Variants in CYP26B1 observed in about 807,000 individuals in gnomAD.
CYP26B1 encodes cytochrome P450 family 26 subfamily B member 1.
In CYP26B1, 8 loss-of-function variants were observed where a neutral mutation model predicts 39.1. That is an observed-to-expected ratio of 0.20 (90% confidence interval 0.12 to 0.37). The LOEUF (loss-of-function observed/expected upper bound fraction) is 0.37, where lower values mean the gene tolerates loss of function less well. Among genes scored for constraint, CYP26B1 ranks in the 10% least tolerant of loss-of-function variants. The pLI, the probability that CYP26B1 is intolerant of heterozygous loss-of-function variation, is 1.00. For missense variants in CYP26B1, 615 were observed against 707.0 expected, an observed-to-expected ratio of 0.87 and a Z score of 1.48; for synonymous variants, 321 against 314.3, an observed-to-expected ratio of 1.02 and a Z score of -0.23.
chr2:72,141,023 C>T (rs552331885), intron 2 of CYP26B1, among the ~76,000 whole-genome samples: 1 of 152,328 alleles, frequency 6.6e-6, no homozygotes, highest in South Asian at 2.1e-4. Context: ...GAGGCCCAAT[C>T]CTGGTGGGTA....
At chr2:72,139,262 A>G (rs910546360) in intron 2 of CYP26B1, among the ~76,000 whole-genome samples, 11 of 152,140 alleles carry the variant, frequency 7.2e-5, no homozygotes, top group African/African-American at 2.7e-4. Context: ...AGAATAACAG[A>G]GGGCAGGCAG....
At position 72,147,793 on chromosome 2, in the gene CYP26B1, G is replaced by T. The variant is rs1278307723; in HGVS notation, c.42C>A (p.Thr14=). 2 of 1,558,390 alleles carry T rather than the reference G, an allele frequency of 1.3e-6. No homozygotes were observed. Among genetic ancestry groups the T allele is most frequent in the Non-Finnish European group, 8.7e-7 (1 of 1,152,422 alleles). ...EGLDLVSALA[T]LAACLVSVTL... is the part of the protein sequence containing the mutation. ...TCACGGACACCAGGCACGCGGCGAG[G>T]GTGGCCAGCGCCGACACCAGATCCA... The change falls in exon 1 of 6, where the codon ACC becomes ACA. Residue 14 remains threonine, a synonymous_variant. Transcript: ENST00000001146. The surrounding 1 kb of genome is among the most constrained non-coding windows in gnomAD (Gnocchi z 6.1).
intron 2 of CYP26B1, among the ~76,000 whole-genome samples, chr2:72,139,915 C>T (rs542355205): frequency 4.4e-4 from 67 of 151,810 alleles, no homozygotes; most frequent in Non-Finnish European, 7.5e-4. Flanking sequence ...TCGTCCTCTA[C>T]GGTGAAGTCC....
Position 72,144,329 on chromosome 2 carries a change from ACACT to A in CYP26B1, c.205-120_205-117del, listed in dbSNP as rs781169338. 2.3e-5 allele frequency: 34 copies of A among 1,487,986 alleles called. No individual in the cohort carries two copies. In the South Asian group the frequency reaches 3.8e-4, roughly 17 times the overall value. The allele number at this position is 1,487,986 out of a possible 1,614,324, so 92.2% of individuals were successfully genotyped here. ...CACCTGCCCCCTCTCCCCACCAAAC[ACACT>A]CACACAGACGAGCACGCAGGTTTTA... On this transcript the variant is annotated intron_variant, in intron 1 of 5. Transcript: ENST00000001146.
chr2:72,146,185 A>G (rs1025162277), intron 1 of CYP26B1, among the ~76,000 whole-genome samples: 5 of 152,096 alleles, frequency 3.3e-5, no homozygotes, highest in Non-Finnish European at 2.9e-5. Flanking sequence ...AGGTCAGGAA[A>G]CGAAGTGGGG....
chr2:72,144,527 C>A, intron 1 of CYP26B1: 1 of 1,143,488 alleles, frequency 8.7e-7, no homozygotes. Context: ...TCCGCCCCCA[C>A]CCCCACCCCC....
In CYP26B1 at chr2:72,140,725, G is replaced by A. The variant is rs553489703; in HGVS notation, c.429+3264C>T. ...CCCAGGAGCACAGGGTTTCCAAGAT[G>A]GGGCCAAAGGTCAGGGATGGTGGGT... is the stretch of plus-strand genomic sequence containing the variant. On this transcript the variant is annotated intron_variant, in intron 2 of 5. Coordinates refer to ENST00000001146, the MANE Select transcript of CYP26B1 (RefSeq NM_019885.4). Among the ~76,000 whole-genome samples the A allele has an allele frequency of 9.8e-5, 15 of 152,322 alleles. No homozygotes were observed. In the South Asian group the frequency reaches 3.1e-3, roughly 32 times the overall value.
chr2:72,142,270 G>A (rs1013574833), intron 2 of CYP26B1, among the ~76,000 whole-genome samples: 2 of 152,088 alleles, frequency 1.3e-5, no homozygotes, highest in African/African-American at 4.8e-5. Context: ...CCAAGACAAC[G>A]CCCTCACCCC....
At chr2:72,142,493 C>G (rs1676971337) in intron 2 of CYP26B1, among the ~76,000 whole-genome samples, 1 of 152,198 alleles carries the variant, frequency 6.6e-6, no homozygotes, top group African/African-American at 2.4e-5. Flanking sequence ...TGGTTCAAGT[C>G]TCATTCAACC....
At chr2:72,144,596 C>CGGGCTGGCGAGA (rs1295665080) in intron 1 of CYP26B1, 1 of 757,346 alleles carries the variant, frequency 1.3e-6, no homozygotes, top group African/African-American at 1.9e-5. Context: ...CTCCGGGCCA[C>CGGGCTGGCGAGA]GGGCTGGCGA....
chr2:72,140,912 C>G (rs1676925458), intron 2 of CYP26B1, among the ~76,000 whole-genome samples: 1 of 152,288 alleles, frequency 6.6e-6, no homozygotes, highest in South Asian at 2.1e-4. Context: ...AAATACTCTC[C>G]AGGTTCCCTG....
At chr2:72,145,857 T>C (rs9309462) in intron 1 of CYP26B1, among the ~76,000 whole-genome samples, 13,562 of 152,194 alleles carry the variant, frequency 0.089, 824 homozygotes, top group African/African-American at 0.17. Context: ...TATACAAAAA[T>C]GTTGTATTTT....
chr2:72,144,081 C>A lies in CYP26B1; in HGVS notation c.337G>T (p.Val113Leu), dbSNP rs1558972044. ...RKILMGEHHL[V>L]STEWPRSTRM... ...GTGCTGCGAGGCCACTCGGTGCTCA[C>A]GAGGTGGTGCTCGCCCATGAGGATC... The change falls in exon 2 of 6, where the codon GTG (valine) becomes TTG (leucine). Residue 113 changes from valine to leucine, a missense_variant. Coordinates refer to ENST00000001146, the MANE Select transcript of CYP26B1 (RefSeq NM_019885.4). 2 of 1,613,668 alleles carry A rather than the reference C, an allele frequency of 1.2e-6. No homozygotes were observed. Among genetic ancestry groups the A allele is most frequent in the Non-Finnish European group, 1.7e-6 (2 of 1,179,774 alleles).
At chr2:72,141,875 C>G (rs1676953828) in intron 2 of CYP26B1, among the ~76,000 whole-genome samples, 1 of 152,120 alleles carries the variant, frequency 6.6e-6, no homozygotes, top group South Asian at 2.1e-4. Context: ...CTCATTCGAC[C>G]CTCCCCACCA....
chr2:72,134,666 G>C (rs1362774178), intron 4 of CYP26B1, 95 bp downstream of exon 4: 12 of 1,527,416 alleles, frequency 7.9e-6, no homozygotes, highest in Middle Eastern at 2.0e-4. Context: ...CAGACTACAG[G>C]GGGTAGAAAT....
chr2:72,142,111 C>G (rs1459514851), intron 2 of CYP26B1, among the ~76,000 whole-genome samples: 1 of 150,772 alleles, frequency 6.6e-6, no homozygotes, highest in Non-Finnish European at 1.5e-5. Context: ...CACCGCATTC[C>G]TGAGGCGGGT....
intron 4 of CYP26B1, 109 bp from the exon 5 acceptor site, chr2:72,133,416 C>G: frequency 7.2e-7 from 1 of 1,385,174 alleles, no homozygotes; most frequent in Non-Finnish European, 9.9e-7. Context: ...CTGGGCCCTG[C>G]CTGGTTCCTG....
intron 2 of CYP26B1, among the ~76,000 whole-genome samples, chr2:72,136,977 CAG>C (rs1444311128): frequency 2.0e-5 from 3 of 152,174 alleles, no homozygotes; most frequent in African/African-American, 7.2e-5. Context: ...GGAAACAAGA[CAG>C]GGGCAGGAAA....
chr2:72,144,062 C>G lies in CYP26B1; in HGVS notation c.356G>C (p.Arg119Pro), dbSNP rs138734968. 6.2e-7 allele frequency: 1 copy of G among 1,613,686 alleles called. No homozygotes were observed. Among genetic ancestry groups the G allele is most frequent in the African/African-American group, 1.3e-5 (1 of 74,956 alleles). Residue 119 changes from arginine (R) to proline (P), a missense_variant, in exon 2 of 6, where the codon CGC becomes CCC. Coordinates refer to ENST00000001146, the MANE Select transcript of CYP26B1 (RefSeq NM_019885.4). ...GGGGCCCAGCAACATGCGGGTGCTG[C>G]GAGGCCACTCGGTGCTCACGAGGTG... The part of the protein sequence containing the change: ...EHHLVSTEWP[R>P]STRMLLGPNT...
Sources: gnomAD v4.1 joint callset for allele counts (sites outside exome capture counted in the v4.1 genomes callset) on GRCh38, gnomAD v4.1.1 for gene constraint, Gnocchi (gnomAD v3.1) non-coding constraint, MANE v1.5 for transcripts, NCBI Gene and HGNC (gene_info 2026-07-23, HGNC 2026-07-21) for gene names.